STPG2: variants seen among roughly 807,000 people sequenced by gnomAD.
The protein encoded by STPG2 is sperm-tail PG-rich repeat-containing protein 2.
Under a neutral mutation model 54.2 loss-of-function variants are expected in STPG2, and 56 were observed. The ratio of observed to expected loss-of-function variants is 1.03; its 90% CI spans 0.83 to 1.29. The LOEUF is 1.29. Among genes scored for constraint, STPG2 ranks in the 50% most tolerant of loss-of-function variants. The pLI, the probability that STPG2 is intolerant of heterozygous loss-of-function variation, is 0.00. For synonymous variants in STPG2, 200 were observed against 181.8 expected (o/e 1.10, Z -0.81); for missense variants, 596 against 544.9 (o/e 1.09, Z -0.93).
intron 8 of STPG2, among the ~76,000 whole-genome samples, chr4:97,929,385 T>C (rs889343276): frequency 2.0e-5 from 3 of 152,198 alleles, no homozygotes; most frequent in Non-Finnish European, 4.4e-5. Flanking sequence ...CCTTTGGGAA[T>C]ATACCCAGTA....
At chr4:97,908,169 CAAG>C (rs1159844637) in intron 8 of STPG2, among the ~76,000 whole-genome samples, 1 of 151,844 alleles carries the variant, frequency 6.6e-6, no homozygotes, top group Non-Finnish European at 1.5e-5. Context: ...AACAAATTTA[CAAG>C]AAAAAAACAA....
chr4:97,875,098 G>T (rs944249671), intron 8 of STPG2, among the ~76,000 whole-genome samples: 4 of 151,884 alleles, frequency 2.6e-5, no homozygotes, highest in Admixed American at 2.6e-4. Flanking sequence ...TGAACATTTA[G>T]ATTGTTTCCA....
chr4:97,566,738 T>C (rs1387735186), intron 10 of STPG2, among the ~76,000 whole-genome samples: 3 of 151,942 alleles, frequency 2.0e-5, no homozygotes, highest in Admixed American at 1.3e-4. Flanking sequence ...TGTAGGGACA[T>C]GGATGAAATT....
chr4:97,486,232 G>A (rs1324968616), intron 4 of STPG2, among the ~76,000 whole-genome samples: 6 of 151,728 alleles, frequency 4.0e-5, no homozygotes, highest in African/African-American at 1.5e-4. Flanking sequence ...CAGAGTAAAA[G>A]GCAACCCATA....
At chr4:97,486,400 C>G (rs184328855) in intron 4 of STPG2, among the ~76,000 whole-genome samples, 85 of 151,584 alleles carry the variant, frequency 5.6e-4, no homozygotes, top group African/African-American at 2.0e-3. Context: ...TACAAATGAC[C>G]AACAAAAATG....
intron 5 of STPG2, among the ~76,000 whole-genome samples, chr4:98,010,814 T>G (rs1160563179): frequency 1.3e-5 from 2 of 152,184 alleles, no homozygotes; most frequent in Non-Finnish European, 2.9e-5. Flanking sequence ...ACCTTTGTAG[T>G]TATCATGAGG....
chr4:97,505,339 A>T (rs1483567133), intron 4 of STPG2, among the ~76,000 whole-genome samples: 1 of 151,990 alleles, frequency 6.6e-6, no homozygotes. Flanking sequence ...CAACTTCAGC[A>T]AATATGTACT....
At chr4:97,940,259 C>G (rs555602762) in intron 8 of STPG2, among the ~76,000 whole-genome samples, 2 of 152,294 alleles carry the variant, frequency 1.3e-5, no homozygotes, top group East Asian at 3.9e-4. Context: ...CTTGGAAAAT[C>G]TGAGGTTTCT....
chr4:97,875,006 G>A (rs2149159107), intron 8 of STPG2, among the ~76,000 whole-genome samples: 1 of 152,022 alleles, frequency 6.6e-6, no homozygotes, highest in East Asian at 1.9e-4. Flanking sequence ...CCTAAAATAA[G>A]ACATTATATT....
Position 97,460,298 on chromosome 4 carries a change from A to G in STPG2, c.462+252401T>C, listed in dbSNP as rs186883112. Among the ~76,000 whole-genome samples the G allele has an allele frequency of 6.6e-5, 10 of 152,128 alleles. No individual in the cohort carries two copies. The East Asian group carries it at 1.9e-3, about 29-fold the overall frequency. On this transcript the variant is annotated intron_variant, in intron 4 of 4. Transcript: ENST00000522676. ...GCTTTATTTTTTTCTATTTATTACAATAGGCATGTTATATATTTTATTTTG... is the reference window on the plus strand; with the variant it reads ...GCTTTATTTTTTTCTATTTATTACAGTAGGCATGTTATATATTTTATTTTG...
chr4:97,966,958 G>T (rs560797622), intron 7 of STPG2, among the ~76,000 whole-genome samples: 180 of 152,178 alleles, frequency 1.2e-3, no homozygotes, highest in African/African-American at 4.1e-3. Flanking sequence ...CAACTAATGG[G>T]CAAAATAACC....
intron 4 of STPG2, among the ~76,000 whole-genome samples, chr4:97,523,406 A>G (rs1731221396): frequency 6.6e-6 from 1 of 151,990 alleles, no homozygotes; most frequent in Non-Finnish European, 1.5e-5. Flanking sequence ...CAAGCACATA[A>G]TAGATCCTCA....
intron 5 of STPG2, among the ~76,000 whole-genome samples, chr4:98,036,268 A>G (rs1169159409): frequency 6.6e-6 from 1 of 152,126 alleles, no homozygotes; most frequent in African/African-American, 2.4e-5. Flanking sequence ...AAAGACTTCA[A>G]GACAGAATAC....
chr4:98,032,997 T>A (rs576413731), intron 5 of STPG2, among the ~76,000 whole-genome samples: 4 of 151,992 alleles, frequency 2.6e-5, no homozygotes, highest in African/African-American at 9.6e-5. Context: ...AGGAACGAAC[T>A]AAAATCAACA....
At chr4:97,460,221 C>T (rs73831912) in intron 4 of STPG2, among the ~76,000 whole-genome samples, 3,456 of 152,156 alleles carry the variant, frequency 0.023, 112 homozygotes, top group African/African-American at 0.078. Context: ...CCCCAGAAGC[C>T]CCATTTAAAA....
intron 5 of STPG2, among the ~76,000 whole-genome samples, chr4:98,099,216 T>C (rs894276441): frequency 1.3e-5 from 2 of 152,180 alleles, no homozygotes; most frequent in Non-Finnish European, 2.9e-5. Flanking sequence ...GCAGTTTAAG[T>C]GTCCATCAAT....
intron 10 of STPG2, among the ~76,000 whole-genome samples, chr4:97,566,866 A>G (rs906728368): frequency 5.1e-5 from 6 of 117,336 alleles, no homozygotes; most frequent in African/African-American, 2.0e-4. Flanking sequence ...GGAACATCAC[A>G]CTCTGGGGAC....
intron 5 of STPG2, among the ~76,000 whole-genome samples, chr4:97,998,274 C>T (rs1040501869): frequency 1.4e-4 from 22 of 152,148 alleles, no homozygotes; most frequent in African/African-American, 5.1e-4. Context: ...ATATGTTCCA[C>T]ATTTGCACTC....
At chr4:97,810,944 G>A (rs1253205871) in intron 9 of STPG2, among the ~76,000 whole-genome samples, 3 of 151,990 alleles carry the variant, frequency 2.0e-5, no homozygotes, top group African/African-American at 7.2e-5. Flanking sequence ...TTTTTCCTAA[G>A]AATTTTTCAT....
Sources: allele counts gnomAD v4.1 joint callset (sites outside exome capture counted in the v4.1 genomes callset), GRCh38; gene constraint gnomAD v4.1.1; transcripts MANE v1.5; gene names NCBI Gene and HGNC (gene_info 2026-07-23, HGNC 2026-07-21).